DLC1: variants seen among roughly 807,000 people sequenced by gnomAD.
The protein encoded by DLC1 is DLC1 Rho GTPase activating protein.
In DLC1, 54 loss-of-function variants were observed where a neutral mutation model predicts 140.3. That is an observed-to-expected ratio of 0.38 (90% CI 0.31 to 0.48). The LOEUF (loss-of-function observed/expected upper bound fraction) is 0.48, where lower values mean the gene tolerates loss of function less well. Ranked by LOEUF, DLC1 falls within the 20% of genes least tolerant of loss-of-function variation. The pLI, the probability that DLC1 is intolerant of heterozygous loss-of-function variation, is 0.96. For missense variants in DLC1, 2,536 were observed against 1,907.0 expected, an observed-to-expected ratio of 1.33 and a Z score of -6.14; for synonymous variants, 986 against 728.1, an observed-to-expected ratio of 1.35 and a Z score of -5.70.
At chr8:13,567,538 A>G in intron 1 of DLC1, 1 of 1,551,772 alleles carries the variant, frequency 6.4e-7, no homozygotes, top group Non-Finnish European at 8.7e-7. Flanking sequence ...AAACATGAGG[A>G]CAACGCCAAA....
At chr8:13,367,110 T>C (rs961887315) in intron 4 of DLC1, among the ~76,000 whole-genome samples, 2 of 152,192 alleles carry the variant, frequency 1.3e-5, no homozygotes, top group African/African-American at 2.4e-5. Context: ...ACACTCAGTG[T>C]ATTTGTGTCT....
intron 4 of DLC1, among the ~76,000 whole-genome samples, chr8:13,373,833 A>T (rs949609166): frequency 6.6e-6 from 1 of 152,216 alleles, no homozygotes; most frequent in African/African-American, 2.4e-5. Context: ...AAGCTGGCTT[A>T]GTACAAATAA....
chr8:13,434,922 C>T (rs1254373771), intron 2 of DLC1, among the ~76,000 whole-genome samples: 1 of 152,144 alleles, frequency 6.6e-6, no homozygotes, highest in African/African-American at 2.4e-5. Flanking sequence ...TCAAGCGATC[C>T]ACCCGCCTTG....
rs1165393355 is a variant in DLC1 at position 13,325,249 on chromosome 8, G to A, written c.1315-19947C>T. 2.6e-5 allele frequency among the ~76,000 whole-genome samples: 4 copies of A among 152,340 alleles called. 1 individual carries two copies. The highest frequency in any genetic ancestry group is 2.6e-4 in the Admixed American group (4 of 15,308). On this transcript the variant is annotated intron_variant, in intron 4 of 17. Coordinates refer to ENST00000276297, the MANE Select transcript of DLC1 (RefSeq NM_182643.3). ...GCTCTGGAGGCCTGGAAAGGAAGTA[G>A]GAGTGAGACTAATGGGCTTTTGGTT...
Position 13,085,920 on chromosome 8 carries a change from G to A in DLC1, c.4478C>T (p.Pro1493Leu). Residue 1493 changes from proline to leucine, a missense_variant, in exon 18 of 18, where the codon CCA becomes CTA. Pro to Leu is a moderately conservative substitution (Grantham distance 98). Coordinates refer to ENST00000276297, the MANE Select transcript of DLC1 (RefSeq NM_182643.3). ...MCRVDLRGHM[P>L]EWYTKSFGHL... ...TCCAAAAGATTTTGTGTACCATTCT[G>A]GCATGTGGCCCCTATCAGAGAAAAG... 1.9e-6 allele frequency: 3 copies of A among 1,614,016 alleles called. No individual in the cohort carries two copies. Among genetic ancestry groups the A allele is most frequent in the Non-Finnish European group, 2.5e-6 (3 of 1,180,010 alleles).
chr8:13,141,014 G>A (rs1190288297), intron 5 of DLC1, among the ~76,000 whole-genome samples: 1 of 152,100 alleles, frequency 6.6e-6, no homozygotes, highest in African/African-American at 2.4e-5. Flanking sequence ...CAGCACTTTG[G>A]GAGGCCGAGG....
chr8:13,367,396 T>C (rs937926610), intron 4 of DLC1, among the ~76,000 whole-genome samples: 1 of 152,192 alleles, frequency 6.6e-6, no homozygotes, highest in East Asian at 1.9e-4. Flanking sequence ...CCTCCTGTTC[T>C]TAGGTGCTGC....
At chr8:13,378,027 G>T (rs1368042081) in intron 4 of DLC1, among the ~76,000 whole-genome samples, 1 of 150,354 alleles carries the variant, frequency 6.7e-6, no homozygotes, top group African/African-American at 2.4e-5. Flanking sequence ...TGTTAATGAT[G>T]TTACTATTTT....
At chr8:13,319,292 G>A (rs1038274979) in intron 4 of DLC1, among the ~76,000 whole-genome samples, 5 of 152,024 alleles carry the variant, frequency 3.3e-5, no homozygotes, top group Admixed American at 1.3e-4. Flanking sequence ...TCCCATTTTC[G>A]CCTCCGTTCC....
intron 2 of DLC1, among the ~76,000 whole-genome samples, chr8:13,496,829 T>A (rs10086323): frequency 8.1e-6 from 1 of 123,352 alleles, no homozygotes; most frequent in African/African-American, 3.2e-5. Context: ...GAGATGGAGT[T>A]TCGCTGTGTC....
At position 13,164,296 on chromosome 8, in the gene DLC1, C is replaced by CAAAA. The variant is rs34355120; in HGVS notation, c.1349-48643_1349-48640dup. On this transcript the variant is annotated intron_variant, in intron 5 of 17. Transcript: ENST00000276297. Reference sequence around the variant, plus strand: ...TGGGGGACAAGAGCGAGACTTCTCTCAAAAAAAAAAAATCTCTATATCTAT... The same window carrying CAAAA: ...TGGGGGACAAGAGCGAGACTTCTCTCAAAAAAAAAAAAAAAATCTCTATATCTAT... 2.8e-3 allele frequency among the ~76,000 whole-genome samples: 412 copies of CAAAA among 147,898 alleles called. 5 individuals are homozygous for CAAAA. Among genetic ancestry groups the CAAAA allele is most frequent in the African/African-American group, 9.7e-3 (390 of 40,340 alleles).
chr8:13,094,812 G>C lies in DLC1; in HGVS notation c.3473C>G (p.Pro1158Arg). 1 of 1,614,196 alleles carries C rather than the reference G, an allele frequency of 6.2e-7. No homozygotes were observed. The highest frequency in any genetic ancestry group is 8.5e-7 in the Non-Finnish European group (1 of 1,180,028). ...GAGTTTGTTCGTCATTAGTGGCTCA[G>C]GAAGATCTCGAAAATACTGCTTCAG... Reference protein sequence around the residue: ...DMLKQYFRDLPEPLMTNKLSE... With the variant: ...DMLKQYFRDLREPLMTNKLSE... Residue 1158 changes from proline to arginine, a missense_variant, in exon 12 of 18, where the codon CCT (proline) becomes CGT (arginine). Coordinates refer to ENST00000276297, the MANE Select transcript of DLC1 (RefSeq NM_182643.3).
In DLC1 at chr8:13,372,175, T is replaced by G. The variant is rs1729169; in HGVS notation, c.1314+21378A>C. On this transcript the variant is annotated intron_variant, in intron 4 of 17. Transcript: ENST00000276297. ...GTGTGTGTGTGTGTGGCTTTGATAGTGGGAAATAGAAAACTAAATGTCTGG... is the reference window on the plus strand; with the variant it reads ...GTGTGTGTGTGTGTGGCTTTGATAGGGGGAAATAGAAAACTAAATGTCTGG... 3.9e-4 allele frequency among the ~76,000 whole-genome samples: 59 copies of G among 151,924 alleles called. 1 individual carries two copies. In the Middle Eastern group the frequency reaches 0.024, roughly 61 times the overall value.
chr8:13,582,195 G>A (rs1805127244), intron 1 of DLC1, among the ~76,000 whole-genome samples: 1 of 152,198 alleles, frequency 6.6e-6, no homozygotes, highest in Non-Finnish European at 1.5e-5. Context: ...CATCCCTGCA[G>A]AGATTTTCTC....
At chr8:13,381,004 CT>C (rs1383228438) in intron 4 of DLC1, among the ~76,000 whole-genome samples, 1 of 152,134 alleles carries the variant, frequency 6.6e-6, no homozygotes, top group Admixed American at 6.5e-5. Flanking sequence ...CATTTCAAGG[CT>C]GATGAAAGGG....
At chr8:13,573,975 C>G (rs922987442) in intron 1 of DLC1, among the ~76,000 whole-genome samples, 2 of 152,102 alleles carry the variant, frequency 1.3e-5, no homozygotes, top group African/African-American at 4.8e-5. Flanking sequence ...TAGCACAGTG[C>G]CTTACACGTG....
At chr8:13,136,510 C>A (rs1247336938) in intron 5 of DLC1, among the ~76,000 whole-genome samples, 1 of 152,136 alleles carries the variant, frequency 6.6e-6, no homozygotes, top group Non-Finnish European at 1.5e-5. Context: ...CAAAGGACAT[C>A]ATTTCATTCT....
chr8:13,147,381 T>C (rs552818461), intron 5 of DLC1, among the ~76,000 whole-genome samples: 6 of 152,340 alleles, frequency 3.9e-5, no homozygotes, highest in Admixed American at 1.3e-4. Context: ...GCTAACAGCA[T>C]TGGGGTCACA....
chr8:13,603,728 G>T (rs1406036805), intron 1 of DLC1, among the ~76,000 whole-genome samples: 1 of 152,016 alleles, frequency 6.6e-6, no homozygotes, highest in Non-Finnish European at 1.5e-5. Flanking sequence ...CTTTAGGGAA[G>T]AAAAAATTAG....
Sources: allele counts gnomAD v4.1 joint callset (sites outside exome capture counted in the v4.1 genomes callset), GRCh38; gene constraint gnomAD v4.1.1; transcripts MANE v1.5; gene names NCBI Gene and HGNC (gene_info 2026-07-23, HGNC 2026-07-21).